The following TRAPPC9 variants were observed in gnomAD, a reference collection of about 807,000 sequenced individuals.
TRAPPC9 encodes the protein trafficking protein particle complex subunit 9.
TRAPPC9 carries 83 observed loss-of-function variants against 124.0 expected under a neutral mutation model. The ratio of observed to expected loss-of-function variants is 0.67; its 90% CI spans 0.56 to 0.80. The LOEUF (loss-of-function observed/expected upper bound fraction) is 0.80. Among genes scored for constraint, TRAPPC9 ranks in the 30% least tolerant of loss-of-function variants. The pLI, the probability that TRAPPC9 is intolerant of heterozygous loss-of-function variation, is 0.00. For synonymous variants in TRAPPC9, 638 were observed against 617.5 expected, an observed-to-expected ratio of 1.03 and a Z score of -0.49; for missense variants, 1,302 against 1,508.3, an observed-to-expected ratio of 0.86 and a Z score of 2.27.
At chr8:140,281,451 T>C (rs891249131) in intron 14 of TRAPPC9, among the ~76,000 whole-genome samples, 17 of 152,246 alleles carry the variant, frequency 1.1e-4, no homozygotes, top group African/African-American at 3.9e-4. Context: ...TTTTTTAAAT[T>C]AGGTTGTTTG....
chr8:140,348,027 A>G (rs541163512), intron 9 of TRAPPC9, among the ~76,000 whole-genome samples: 1 of 152,372 alleles, frequency 6.6e-6, no homozygotes, highest in South Asian at 2.1e-4. Context: ...TGCCATCGGC[A>G]ACTCCAGCAG....
chr8:139,995,300 G>T (rs995153642), intron 18 of TRAPPC9, among the ~76,000 whole-genome samples: 1 of 152,176 alleles, frequency 6.6e-6, no homozygotes, highest in Non-Finnish European at 1.5e-5. Flanking sequence ...GTGGGAAAAG[G>T]TACTATGAAG....
At chr8:140,358,870 A>T (rs1228176617) in intron 9 of TRAPPC9, among the ~76,000 whole-genome samples, 1 of 152,014 alleles carries the variant, frequency 6.6e-6, no homozygotes, top group Admixed American at 6.5e-5. Flanking sequence ...TCAAGACCCT[A>T]CCCTTTCCTG....
At chr8:139,849,562 A>G (rs1258110780) in intron 21 of TRAPPC9, among the ~76,000 whole-genome samples, 5 of 152,254 alleles carry the variant, frequency 3.3e-5, no homozygotes, top group East Asian at 1.9e-4. Context: ...TTACATTACA[A>G]TATTAAACAG....
At chr8:139,876,017 CGG>C (rs1393819843) in intron 21 of TRAPPC9, among the ~76,000 whole-genome samples, 1 of 152,264 alleles carries the variant, frequency 6.6e-6, no homozygotes, top group Non-Finnish European at 1.5e-5. Context: ...TAGTGGGAGC[CGG>C]CTTTCTCACT....
At chr8:140,068,284 T>C (rs748377847) in intron 17 of TRAPPC9, among the ~76,000 whole-genome samples, 10 of 152,128 alleles carry the variant, frequency 6.6e-5, no homozygotes, top group Non-Finnish European at 1.5e-4. Flanking sequence ...ATGAAGAGAA[T>C]ACAGAAGGCT....
intron 21 of TRAPPC9, among the ~76,000 whole-genome samples, chr8:139,840,049 C>G (rs1826626092): frequency 1.3e-5 from 2 of 152,228 alleles, no homozygotes; most frequent in South Asian, 4.1e-4. Flanking sequence ...AAATGTTCGG[C>G]CAGTCTGGGC....
At chr8:140,158,311 T>G (rs901800082) in intron 17 of TRAPPC9, among the ~76,000 whole-genome samples, 5 of 152,186 alleles carry the variant, frequency 3.3e-5, no homozygotes, top group Non-Finnish European at 7.3e-5. Flanking sequence ...TAGTAGGCTC[T>G]CAATATAATC....
intron 5 of TRAPPC9, among the ~76,000 whole-genome samples, chr8:140,422,050 T>A (rs181164548): frequency 6.9e-6 from 1 of 144,708 alleles, no homozygotes. Flanking sequence ...CAGTAAATGA[T>A]TCCCTAAAAA....
chr8:139,734,355 T>C (rs1412578072), intron 21 of TRAPPC9, among the ~76,000 whole-genome samples: 1 of 152,236 alleles, frequency 6.6e-6, no homozygotes, highest in Non-Finnish European at 1.5e-5. Flanking sequence ...GATAAGGAGA[T>C]GAGGACATGG....
At chr8:140,066,687 C>A (rs888633117) in intron 17 of TRAPPC9, among the ~76,000 whole-genome samples, 1 of 152,208 alleles carries the variant, frequency 6.6e-6, no homozygotes, top group African/African-American at 2.4e-5. Flanking sequence ...AGGTACTTAA[C>A]ACCTACTCGG....
chr8:140,364,343 A>T (rs1175955394), intron 8 of TRAPPC9, among the ~76,000 whole-genome samples: 1 of 151,700 alleles, frequency 6.6e-6, no homozygotes, highest in Admixed American at 6.6e-5. Flanking sequence ...ATCTTGCCTG[A>T]AGTCTCTCAA....
chr8:140,015,005 A>G (rs1358130052), intron 18 of TRAPPC9, among the ~76,000 whole-genome samples: 2 of 152,242 alleles, frequency 1.3e-5, no homozygotes, highest in Admixed American at 6.5e-5. Context: ...CAGTGAGAGG[A>G]GCAGACAAAC....
At chr8:140,058,142 A>C (rs1842398574) in intron 17 of TRAPPC9, among the ~76,000 whole-genome samples, 1 of 152,230 alleles carries the variant, frequency 6.6e-6, no homozygotes, top group African/African-American at 2.4e-5. Flanking sequence ...CAGCCCTTGA[A>C]ATGAGCTGAG....
chr8:140,398,355 CAGA>C (rs2069155731), intron 6 of TRAPPC9, among the ~76,000 whole-genome samples: 1 of 152,156 alleles, frequency 6.6e-6, no homozygotes, highest in African/African-American at 2.4e-5. Context: ...TTGGAGGGCT[CAGA>C]AGAAGACAGG....
chr8:140,393,740 C>G (rs1309651500), intron 7 of TRAPPC9, among the ~76,000 whole-genome samples: 1 of 152,212 alleles, frequency 6.6e-6, no homozygotes, highest in African/African-American at 2.4e-5. Context: ...TACAACTCAT[C>G]AATTCTACAA....
intron 17 of TRAPPC9, among the ~76,000 whole-genome samples, chr8:140,129,790 T>C (rs1353136815): frequency 1.3e-5 from 2 of 152,132 alleles, no homozygotes; most frequent in African/African-American, 4.8e-5. Flanking sequence ...ATTGGAGGGA[T>C]CTCTGAGAAC....
chr8:139,731,958 G>A lies in TRAPPC9; in HGVS notation c.3279+21C>T, dbSNP rs114801834. On this transcript the variant is annotated intron_variant, in intron 22 of 22. Transcript: ENST00000438773. ...CCACATGGCCAGAGGCTCCCAGACC[G>A]CCTTGCACACCACCACGCACCGCGT... 8.1e-4 allele frequency: 1,258 copies of A among 1,555,152 alleles called. 11 individuals are homozygous for A. In the African/African-American group the frequency reaches 0.015, roughly 19 times the overall value.
chr8:139,983,138 T>C (rs1837019706), intron 19 of TRAPPC9, among the ~76,000 whole-genome samples: 1 of 152,098 alleles, frequency 6.6e-6, no homozygotes, highest in Non-Finnish European at 1.5e-5. Flanking sequence ...AGAAAAACCC[T>C]TTGCCCCTCC....
Sources: allele counts gnomAD v4.1 joint callset (sites outside exome capture counted in the v4.1 genomes callset), GRCh38; gene constraint gnomAD v4.1.1; transcripts MANE v1.5; gene names NCBI Gene and HGNC (gene_info 2026-07-23, HGNC 2026-07-21).